The following TANC2 variants were observed in gnomAD, a reference collection of about 807,000 sequenced individuals.
TANC2 encodes the protein tetratricopeptide repeat, ankyrin repeat and coiled-coil containing 2.
A neutral mutation model predicts 210.5 loss-of-function variants in TANC2; 26 were observed. That is an observed-to-expected ratio of 0.12 (90% CI 0.09 to 0.17). The LOEUF (loss-of-function observed/expected upper bound fraction) is 0.17, where lower values mean the gene tolerates loss of function less well. TANC2 is among the 10% of genes least tolerant of loss of function. TANC2 has a pLI of 1.00. For missense variants in TANC2, 2,129 were observed against 2,608.9 expected, an observed-to-expected ratio of 0.82 and a Z score of 4.01; for synonymous variants, 931 against 967.1, an observed-to-expected ratio of 0.96 and a Z score of 0.69.
chr17:63,038,958 G>A (rs890184645), intron 2 of TANC2, among the ~76,000 whole-genome samples: 1 of 152,130 alleles, frequency 6.6e-6, no homozygotes, highest in African/African-American at 2.4e-5. Context: ...TGAAAGGACT[G>A]TGACCCTCTG....
intron 1 of TANC2, among the ~76,000 whole-genome samples, chr17:62,986,601 G>C (rs1455549055): frequency 1.3e-5 from 2 of 152,002 alleles, no homozygotes; most frequent in African/African-American, 4.8e-5. Flanking sequence ...GGGGTGACCT[G>C]TGAGGCTGTT....
chr17:63,365,912 T>G (rs1368873373), intron 14 of TANC2, among the ~76,000 whole-genome samples: 1 of 152,042 alleles, frequency 6.6e-6, no homozygotes, highest in African/African-American at 2.4e-5. Flanking sequence ...TTATCACAAT[T>G]TATTATTAAT....
rs1245551616 is a variant in TANC2, at chr17:63,001,557, CT to C, written c.-23-7969del. Among the ~76,000 whole-genome samples the C allele has an allele frequency of 1.1e-3, 122 of 112,880 alleles. 1 individual carries two copies. The highest frequency in any genetic ancestry group is 3.2e-3 in the African/African-American group (100 of 31,114). The allele number at this position is 112,880 out of a possible 152,430, so 74.1% of individuals were successfully genotyped here. On this transcript the variant is annotated intron_variant, in intron 1 of 27. Coordinates refer to ENST00000689528, the Ensembl canonical transcript of TANC2. Reference sequence around the variant, plus strand: ...TTTTTTTTTTTCTTTTTCTTTCTTTCTTTTTTTTTTTCCAAGATGGAGTCTC... The same window carrying C: ...TTTTTTTTTTTCTTTTTCTTTCTTTCTTTTTTTTTTCCAAGATGGAGTCTC...
chr17:63,085,990 T>C (rs977614141), intron 3 of TANC2, among the ~76,000 whole-genome samples: 2 of 152,100 alleles, frequency 1.3e-5, no homozygotes, highest in African/African-American at 4.8e-5. Context: ...CTCCTTCACT[T>C]TTGAAGGATG....
chr17:63,210,322 T>A (rs1179744108), intron 7 of TANC2, among the ~76,000 whole-genome samples: 5 of 152,240 alleles, frequency 3.3e-5, no homozygotes, highest in Admixed American at 6.5e-5. Context: ...TACATTCTTT[T>A]CATCATGGAC....
chr17:63,003,243 C>T (rs1254497599), intron 1 of TANC2, among the ~76,000 whole-genome samples: 1 of 152,098 alleles, frequency 6.6e-6, no homozygotes. Context: ...GGGTGTGGGT[C>T]ATTTATATAT....
intron 2 of TANC2, among the ~76,000 whole-genome samples, chr17:63,036,735 G>C (rs1196394750): frequency 6.6e-6 from 1 of 151,966 alleles, no homozygotes; most frequent in Non-Finnish European, 1.5e-5. Context: ...TTTAGTACAT[G>C]AACATGTTAT....
Position 63,362,720 on chromosome 17 carries a change from C to T in TANC2, c.2582+7330C>T, listed in dbSNP as rs571851247. 2.7e-4 allele frequency among the ~76,000 whole-genome samples: 41 copies of T among 152,322 alleles called. 1 individual carries two copies. The South Asian group carries it at 6.6e-3, about 25-fold the overall frequency. On this transcript the variant is annotated intron_variant, in intron 14 of 27. Coordinates refer to ENST00000689528, the Ensembl canonical transcript of TANC2. ...CCCAGCTTCAGCCTCAGCTTTGCTC[C>T]GAAATCAGAGTGGGCACTGGGAACA...
intron 2 of TANC2, among the ~76,000 whole-genome samples, chr17:63,043,377 A>G (rs2035263071): frequency 6.6e-6 from 1 of 152,100 alleles, no homozygotes; most frequent in African/African-American, 2.4e-5. Context: ...ATAAACCCAT[A>G]CATAATTATA....
Position 62,966,923 on chromosome 17 carries a change from A to G in TANC2, c.-24+174A>G, listed in dbSNP as rs1225098241. On this transcript the variant is annotated intron_variant, in intron 1 of 27. Coordinates refer to ENST00000689528, the Ensembl canonical transcript of TANC2. The surrounding 1 kb of genome is among the most constrained non-coding windows in gnomAD (Gnocchi z 5.1). ...AAGGCTGGCTCCGAATATGACACCA[A>G]GGCGGGCTTCAGAGGCGTGTGGGGT... 2 of 152,198 alleles carry G rather than the reference A, an allele frequency of 1.3e-5. No homozygotes were observed. Among genetic ancestry groups the G allele is most frequent in the Non-Finnish European group, 2.9e-5 (2 of 68,060 alleles). The allele number at this position is 152,198 out of a possible 1,614,324, so 9.4% of individuals were successfully genotyped here.
At chr17:63,389,277 C>A in intron 16 of TANC2, 31 bp from the exon 17 acceptor site, 1 of 1,547,136 alleles carries the variant, frequency 6.5e-7, no homozygotes, top group South Asian at 1.2e-5. Flanking sequence ...TCCTGTTTGT[C>A]TAATTATTAG....
At chr17:63,161,540 A>G (rs1011322693) in intron 5 of TANC2, among the ~76,000 whole-genome samples, 1 of 152,096 alleles carries the variant, frequency 6.6e-6, no homozygotes, top group African/African-American at 2.4e-5. Flanking sequence ...CAAAGCACTT[A>G]TTCTGTGACT....
chr17:63,041,239 G>A (rs1006424497), intron 2 of TANC2, among the ~76,000 whole-genome samples: 5 of 152,064 alleles, frequency 3.3e-5, no homozygotes, highest in East Asian at 1.9e-4. Context: ...TGATTTTATC[G>A]AATAACACAA....
At chr17:63,057,050 A>C (rs755305496) in intron 2 of TANC2, among the ~76,000 whole-genome samples, 2 of 151,442 alleles carry the variant, frequency 1.3e-5, no homozygotes, top group South Asian at 2.1e-4. Flanking sequence ...CTGGCCTCCA[A>C]CTCCTGGTCT....
intron 2 of TANC2, among the ~76,000 whole-genome samples, chr17:63,048,825 G>C (rs1053769289): frequency 1.3e-5 from 2 of 151,990 alleles, no homozygotes; most frequent in African/African-American, 4.8e-5. Context: ...GGAGGGAGAG[G>C]ATCAGAAAAA....
chr17:63,105,142 A>T (rs1036082500), intron 4 of TANC2, among the ~76,000 whole-genome samples: 1 of 151,714 alleles, frequency 6.6e-6, no homozygotes, highest in African/African-American at 2.4e-5. Flanking sequence ...CAGTCAGTCT[A>T]CTTTTCTGAG....
intron 25 of TANC2, among the ~76,000 whole-genome samples, 165 bp from the exon 26 acceptor site, chr17:63,415,363 G>C (rs2048825851): frequency 6.6e-6 from 1 of 152,150 alleles, no homozygotes; most frequent in African/African-American, 2.4e-5. Flanking sequence ...GAAAAGACTA[G>C]ACCCTTCTGC....
chr17:63,377,974 G>A (rs1007517135), intron 14 of TANC2, among the ~76,000 whole-genome samples: 2 of 152,168 alleles, frequency 1.3e-5, no homozygotes, highest in African/African-American at 2.4e-5. Flanking sequence ...CATGAGAACA[G>A]CATGGGGTAA....
chr17:63,204,487 G>A (rs1259596560), intron 7 of TANC2, among the ~76,000 whole-genome samples: 1 of 152,028 alleles, frequency 6.6e-6, no homozygotes, highest in Non-Finnish European at 1.5e-5. Flanking sequence ...ACATCCAGCT[G>A]GGAATAGTGG....
Sources: gnomAD v4.1 joint callset for allele counts (sites outside exome capture counted in the v4.1 genomes callset) on GRCh38, gnomAD v4.1.1 for gene constraint, Gnocchi (gnomAD v3.1) non-coding constraint, MANE v1.5 for transcripts, NCBI Gene and HGNC (gene_info 2026-07-23, HGNC 2026-07-21) for gene names.